PTGIR: variants seen among roughly 807,000 people sequenced by gnomAD.
The protein encoded by PTGIR is prostaglandin I2 receptor.
A neutral mutation model predicts 17.6 loss-of-function variants in PTGIR; 16 were observed. The ratio of observed to expected loss-of-function variants is 0.91; its 90% CI spans 0.61 to 1.38. PTGIR has a LOEUF of 1.38. PTGIR is among the 40% of genes most tolerant of loss of function. The pLI is 0.00. For missense variants in PTGIR, 532 were observed against 548.6 expected (o/e 0.97, Z 0.30); for synonymous variants, 274 against 255.4 (o/e 1.07, Z -0.69).
At chr19:46,617,275 C>T (rs1031263839), downstream of PTGIR, among the ~76,000 whole-genome samples, 14 of 152,222 alleles carry the variant, frequency 9.2e-5, no homozygotes, top group Middle Eastern at 3.4e-3. Context: ...GGACAGGACC[C>T]GGGCAGCTGG....
the PTGIR span, among the ~76,000 whole-genome samples, chr19:46,615,086 G>A: frequency 3.9e-5 from 6 of 152,202 alleles, no homozygotes. Context: ...CTAGTCGAGA[G>A]GCTGAGGCCC....
downstream of PTGIR, among the ~76,000 whole-genome samples, chr19:46,619,426 C>T (rs557120797): frequency 1.4e-3 from 217 of 150,602 alleles, no homozygotes; most frequent in African/African-American, 5.0e-3. Context: ...ACCCGGGAGG[C>T]GGAGTTTGCA....
At chr19:46,618,435 C>T (rs1971994559), downstream of PTGIR, among the ~76,000 whole-genome samples, 1 of 152,050 alleles carries the variant, frequency 6.6e-6, no homozygotes. Context: ...CAGGTGTTAG[C>T]CACCATGACA....
downstream of PTGIR, among the ~76,000 whole-genome samples, chr19:46,620,006 G>T (rs1972035954): frequency 6.6e-6 from 1 of 152,224 alleles, no homozygotes. Context: ...CTGTGTGGAT[G>T]GCAGGCTGGA....
At chr19:46,613,677 TG>T in the PTGIR span, among the ~76,000 whole-genome samples, 1 of 152,114 alleles carries the variant, frequency 6.6e-6, no homozygotes. Flanking sequence ...ATACCCAGGC[TG>T]GATGGACTGA....
In PTGIR at chr19:46,620,851, TTGG is replaced by T; in HGVS notation, c.*426_*428del. 1 of 989,276 alleles carries T rather than the reference TTGG, an allele frequency of 1.0e-6. No homozygotes were observed. Among genetic ancestry groups the T allele is most frequent in the East Asian group, 1.1e-4 (1 of 8,982 alleles). The allele number at this position is 989,276 out of a possible 1,614,324, so 61.3% of individuals were successfully genotyped here. A position where few individuals can be genotyped will look rare whatever the true frequency, so the allele number is the denominator to read the frequency against. ...GAAAGGGGCTGGCTCTTGGAGTGGC[TTGG>T]TAGAGGGGGAGGGCCATCCCCTGGG... On this transcript the variant is annotated 3_prime_UTR_variant, in exon 3 of 3. Coordinates refer to ENST00000291294, the MANE Select transcript of PTGIR (RefSeq NM_000960.4).
Position 46,621,803 on chromosome 19 carries a change from G to A in PTGIR, c.769-131C>T. The A allele has an allele frequency of 7.0e-7, 1 of 1,435,752 alleles. No individual in the cohort carries two copies. The highest frequency in any genetic ancestry group is 1.5e-5 in the South Asian group (1 of 65,706). 88.9% of individuals were successfully genotyped at this position (1,435,752 alleles called of 1,614,324 possible). A position where few individuals can be genotyped will look rare whatever the true frequency, so the allele number is the denominator to read the frequency against. On this transcript the variant is annotated intron_variant, in intron 2 of 2. Transcript: ENST00000291294. This position sits in a 1 kb window ranked among gnomAD's most constrained non-coding sequence, Gnocchi z 4.8. ...TCAGAGGGGAAGGAGATAAGATAAA[G>A]ACTAAGTAACAAATGTATCTGGGGA...
chr19:46,617,074 TG>T (rs1971972947), downstream of PTGIR, among the ~76,000 whole-genome samples: 1 of 151,844 alleles, frequency 6.6e-6, no homozygotes, highest in Admixed American at 6.6e-5. Flanking sequence ...CCAGGAAGAG[TG>T]AGCTCAATAA....
chr19:46,623,769 G>A lies in PTGIR; in HGVS notation c.457C>T (p.Leu153=), dbSNP rs1466748507. 1 of 1,604,064 alleles carries A rather than the reference G, an allele frequency of 6.2e-7. No individual in the cohort carries two copies. The highest frequency in any genetic ancestry group is 1.1e-5 in the South Asian group (1 of 90,434). Residue 153 remains leucine (L), a synonymous_variant, in exon 2 of 3, where the codon CTG becomes TTG. Transcript: ENST00000291294. ...TGTTGGCCCAGGCCCAGCAGGGGCA[G>A]CGCGCAGAAGAGGACGCAGAAGGCG... ...IYAFCVLFCA[L]PLLGLGQHQQ...
rs569541711 is a variant in PTGIR at position 46,620,804 on chromosome 19, T to A, written c.*476A>T. The A allele has an allele frequency of 1.0e-6, 1 of 986,440 alleles. No homozygotes were observed. The allele number at this position is 986,440 out of a possible 1,614,324, so 61.1% of individuals were successfully genotyped here. On this transcript the variant is annotated 3_prime_UTR_variant, in exon 3 of 3. Coordinates refer to ENST00000291294, the MANE Select transcript of PTGIR (RefSeq NM_000960.4). The stretch of plus-strand genomic sequence containing the variant: ...AAGGGAAGGCAGGGAGCTTTTCCAA[T>A]AACTGTGGTTTTTGTGGAGCAGAAA...
At position 46,623,790 on chromosome 19, in the gene PTGIR, A is replaced by G. The variant is rs2052763000; in HGVS notation, c.436T>C (p.Phe146Leu). The change falls in exon 2 of 3, where the codon TTC (phenylalanine) becomes CTC (leucine). Residue 146 changes from phenylalanine to leucine, a missense_variant. Physicochemically the swap from Phe to Leu is conservative, Grantham distance 22. Transcript: ENST00000291294. ...ARLALPAIYA[F>L]CVLFCALPLL... is the part of the protein sequence containing the mutation. ...GGCAGCGCGCAGAAGAGGACGCAGA[A>G]GGCGTAGATGGCTGGCAGCGCCAGG... The G allele has an allele frequency of 2.5e-6, 4 of 1,608,172 alleles. No individual in the cohort carries two copies. The highest frequency in any genetic ancestry group is 3.4e-6 in the Non-Finnish European group (4 of 1,178,556).
Position 46,621,822 on chromosome 19 carries a change from CTG to C in PTGIR, c.769-152_769-151del. On this transcript the variant is annotated intron_variant, in intron 2 of 2. Transcript: ENST00000291294. This position sits in a 1 kb window ranked among gnomAD's most constrained non-coding sequence, Gnocchi z 4.8. ...GATAAAGACTAAGTAACAAATGTAT[CTG>C]GGGAACACAGGGAGAGAAAGCCCCA... 1 of 1,412,280 alleles carries C rather than the reference CTG, an allele frequency of 7.1e-7. No homozygotes were observed. Among genetic ancestry groups the C allele is most frequent in the Non-Finnish European group, 9.2e-7 (1 of 1,084,890 alleles). The allele number at this position is 1,412,280 out of a possible 1,614,324, so 87.5% of individuals were successfully genotyped here. A position where few individuals can be genotyped will look rare whatever the true frequency, so the allele number is the denominator to read the frequency against.
Position 46,623,772 on chromosome 19 carries a change from C to G in PTGIR, c.454G>C (p.Ala152Pro), listed in dbSNP as rs775645646. ...AIYAFCVLFC[A>P]LPLLGLGQHQ... ...TGGCCCAGGCCCAGCAGGGGCAGCG[C>G]GCAGAAGAGGACGCAGAAGGCGTAG... Residue 152 changes from alanine (A) to proline (P), a missense_variant, in exon 2 of 3, where the codon GCG (alanine) becomes CCG (proline). Ala to Pro is a conservative substitution (Grantham distance 27, BLOSUM62 -1). Coordinates refer to ENST00000291294, the MANE Select transcript of PTGIR (RefSeq NM_000960.4). 1 of 1,604,832 alleles carries G rather than the reference C, an allele frequency of 6.2e-7. No individual in the cohort carries two copies. Among genetic ancestry groups the G allele is most frequent in the South Asian group, 1.1e-5 (1 of 90,468 alleles).
At chr19:46,623,284 A>G in intron 2 of PTGIR, 174 bp downstream of exon 2, 1 of 754,042 alleles carries the variant, frequency 1.3e-6, no homozygotes, top group South Asian at 2.3e-5. Context: ...GGTGTGAGCC[A>G]CCGCATCCGG....
Position 46,621,971 on chromosome 19 carries a change from A to T in PTGIR, c.769-299T>A. On this transcript the variant is annotated intron_variant, in intron 2 of 2. Transcript: ENST00000291294. The surrounding 1 kb of genome is among the most constrained non-coding windows in gnomAD (Gnocchi z 4.8). ...TTTTTGAGTATAACGTCCCTGCAAG[A>T]AGGTGGCGCCACCCGGCTGGGCCCC... The T allele has an allele frequency of 8.3e-7, 1 of 1,199,578 alleles. No homozygotes were observed. The highest frequency in any genetic ancestry group is 1.0e-6 in the Non-Finnish European group (1 of 964,116). 74.3% of individuals were successfully genotyped at this position (1,199,578 alleles called of 1,614,324 possible). A position where few individuals can be genotyped will look rare whatever the true frequency, so the allele number is the denominator to read the frequency against.
the PTGIR span, among the ~76,000 whole-genome samples, chr19:46,612,283 C>T: frequency 3.3e-5 from 5 of 152,170 alleles, no homozygotes; most frequent in African/African-American, 4.8e-5. Context: ...ACCCTGTCCA[C>T]AAAATGGGGG....
chr19:46,615,128 G>T, the PTGIR span, among the ~76,000 whole-genome samples: 8,467 of 152,204 alleles, frequency 0.056, 552 homozygotes, highest in East Asian at 0.32. Flanking sequence ...GGTGGAGGTT[G>T]CAGTGAGCCG....
At chr19:46,616,110 A>G (rs527563333), downstream of PTGIR, among the ~76,000 whole-genome samples, 80 of 151,858 alleles carry the variant, frequency 5.3e-4, no homozygotes, top group Admixed American at 8.5e-4. Context: ...CCTTTGTAAC[A>G]CATTTTTATG....
chr19:46,624,265 G>C (rs901349547), intron 1 of PTGIR, 28 bp from the exon 2 acceptor site: 18 of 1,416,322 alleles, frequency 1.3e-5, no homozygotes, highest in Admixed American at 1.2e-4. Context: ...TGGGGGGTCA[G>C]AGGGAGCCAG....
Sources: allele counts gnomAD v4.1 joint callset (sites outside exome capture counted in the v4.1 genomes callset), GRCh38; gene constraint gnomAD v4.1.1; non-coding constraint Gnocchi (gnomAD v3.1); transcripts MANE v1.5; gene names NCBI Gene and HGNC (gene_info 2026-07-23, HGNC 2026-07-21).